The following NOSTRIN variants were observed in gnomAD, a reference collection of about 807,000 sequenced individuals.
NOSTRIN encodes the protein BM247 homolog.
Under a neutral mutation model 59.0 loss-of-function variants are expected in NOSTRIN, and 63 were observed. The ratio of observed to expected loss-of-function variants is 1.07; its 90% CI spans 0.87 to 1.32. The LOEUF (loss-of-function observed/expected upper bound fraction) is 1.32, where lower values mean the gene tolerates loss of function less well. NOSTRIN is among the 40% of genes most tolerant of loss of function. NOSTRIN has a pLI of 0.00. For missense variants in NOSTRIN, 512 were observed against 473.1 expected (o/e 1.08, Z -0.76); for synonymous variants, 200 against 165.4 (o/e 1.21, Z -1.61).
chr2:168,835,962 A>G (rs1687693704), intron 7 of NOSTRIN, among the ~76,000 whole-genome samples: 1 of 152,242 alleles, frequency 6.6e-6, no homozygotes, highest in Non-Finnish European at 1.5e-5. Flanking sequence ...AATAGTCGAT[A>G]TCTTCTACAA....
At chr2:168,813,508 A>G (rs1250663822) in intron 2 of NOSTRIN, among the ~76,000 whole-genome samples, 1 of 152,174 alleles carries the variant, frequency 6.6e-6, no homozygotes, top group Admixed American at 6.5e-5. Flanking sequence ...TTCATACAGC[A>G]GAGCCTTCAT....
intron 2 of NOSTRIN, among the ~76,000 whole-genome samples, chr2:168,813,788 A>C (rs1686268635): frequency 6.6e-6 from 1 of 152,126 alleles, no homozygotes; most frequent in Admixed American, 6.6e-5. Context: ...CAAAGAACAG[A>C]TCTAATATTT....
At chr2:168,837,905 A>G (rs1687833689) in intron 7 of NOSTRIN, among the ~76,000 whole-genome samples, 1 of 152,142 alleles carries the variant, frequency 6.6e-6, no homozygotes, top group Non-Finnish European at 1.5e-5. Context: ...TAAATTTTAA[A>G]TTAGATTTCT....
upstream of NOSTRIN, among the ~76,000 whole-genome samples, chr2:168,797,400 A>G (rs1336159787): frequency 1.3e-5 from 2 of 152,026 alleles, no homozygotes; most frequent in African/African-American, 2.4e-5. Context: ...CCCAGCCTAA[A>G]CTAATACTTT....
chr2:168,846,966 A>G (rs1161243947), intron 8 of NOSTRIN, among the ~76,000 whole-genome samples: 1 of 152,190 alleles, frequency 6.6e-6, no homozygotes, highest in South Asian at 2.1e-4. Flanking sequence ...TTTCCTTTCT[A>G]TAAAAGTGTC....
At chr2:168,803,373 AGG>A (rs1685689774) in intron 1 of NOSTRIN, among the ~76,000 whole-genome samples, 1 of 152,200 alleles carries the variant, frequency 6.6e-6, no homozygotes, top group Non-Finnish European at 1.5e-5. Flanking sequence ...GTAATTAAGG[AGG>A]GTCAGTGTTT....
At chr2:168,845,654 T>TG (rs1027747904) in intron 8 of NOSTRIN, among the ~76,000 whole-genome samples, 1 of 152,224 alleles carries the variant, frequency 6.6e-6, no homozygotes, top group Admixed American at 6.5e-5. Context: ...GTGTTTATGT[T>TG]GAAGCATCAT....
chr2:168,798,813 C>CGATCGATA (rs57620905), upstream of NOSTRIN, among the ~76,000 whole-genome samples: 23 of 149,228 alleles, frequency 1.5e-4, no homozygotes, highest in African/African-American at 5.4e-4. Flanking sequence ...ATCGATCGAT[C>CGATCGATA]GATAGATAGA....
chr2:168,805,343 A>G (rs549338600), intron 1 of NOSTRIN, among the ~76,000 whole-genome samples: 1 of 152,352 alleles, frequency 6.6e-6, no homozygotes, highest in South Asian at 2.1e-4. Context: ...AGATATCTTT[A>G]AAGTTCTGTT....
At chr2:168,817,045 A>G (rs181928173) in intron 2 of NOSTRIN, among the ~76,000 whole-genome samples, 245 of 152,358 alleles carry the variant, frequency 1.6e-3, no homozygotes, top group Non-Finnish European at 2.9e-3. Context: ...AGTACAACCC[A>G]TAGACCAGCC....
In NOSTRIN at chr2:168,865,044, CTCTT is replaced by C. The variant is rs1374101110; in HGVS notation, c.*75_*78del. On this transcript the variant is annotated 3_prime_UTR_variant, in exon 16 of 16. Coordinates refer to ENST00000317647, the MANE Select transcript of NOSTRIN (RefSeq NM_001039724.4). ...GTGTGGTTCAAATAAGAATAAAGTGCTCTTACCTTTACATGTTTTTCTTTTGAAA... is the reference window on the plus strand; with the variant it reads ...GTGTGGTTCAAATAAGAATAAAGTGCACCTTTACATGTTTTTCTTTTGAAA... The C allele has an allele frequency of 3.3e-6, 5 of 1,503,850 alleles. No homozygotes were observed. Among genetic ancestry groups the C allele is most frequent in the Non-Finnish European group, 3.6e-6 (4 of 1,103,462 alleles). The allele number at this position is 1,503,850 out of a possible 1,614,324, so 93.2% of individuals were successfully genotyped here.
At chr2:168,798,798 G>GATCA (rs1452610787), upstream of NOSTRIN, among the ~76,000 whole-genome samples, 47 of 26,618 alleles carry the variant, frequency 1.8e-3, no homozygotes, top group Admixed American at 6.6e-3. Context: ...GAGATGCTTC[G>GATCA]ATCGATCGAT....
At chr2:168,797,079 C>CTTTTCTTTTTT (rs1553519713), upstream of NOSTRIN, among the ~76,000 whole-genome samples, 565 of 74,984 alleles carry the variant, frequency 7.5e-3, 1 homozygote, top group South Asian at 0.012. Context: ...TTTCTTTTTT[C>CTTTTCTTTTTT]TTTTTTTTTT....
intron 2 of NOSTRIN, among the ~76,000 whole-genome samples, chr2:168,819,587 G>C (rs1230652977): frequency 6.6e-6 from 1 of 152,160 alleles, no homozygotes; most frequent in African/African-American, 2.4e-5. Flanking sequence ...CAGAAAGAGT[G>C]CACAGTGACA....
At chr2:168,789,243 C>T (rs1685284640) in intron 2 of NOSTRIN, among the ~76,000 whole-genome samples, 1 of 152,154 alleles carries the variant, frequency 6.6e-6, no homozygotes, top group South Asian at 2.1e-4. Context: ...AATTAATAAG[C>T]TGGTGTATTA....
intron 1 of NOSTRIN, among the ~76,000 whole-genome samples, chr2:168,809,979 A>T (rs1411371593): frequency 6.6e-6 from 1 of 152,078 alleles, no homozygotes; most frequent in Non-Finnish European, 1.5e-5. Flanking sequence ...TTAAAAAAAA[A>T]TCATGTTTCG....
At position 168,860,826 on chromosome 2, in the gene NOSTRIN, G is replaced by A. The variant is rs752715731; in HGVS notation, c.1211G>A (p.Arg404Gln). ...ACTCATAGCTATGTGAAAATATCTC[G>A]GCCTTTTTTAATGAAGAGATTAGAG... ...EHTHSYVKIS[R>Q]PFLMKRLENI... is the part of the protein sequence containing the mutation. Residue 404 changes from arginine to glutamine, a missense_variant, in exon 14 of 16, where the codon CGG becomes CAG. Transcript: ENST00000317647. The A allele has an allele frequency of 9.3e-6, 15 of 1,613,178 alleles. No homozygotes were observed. The highest frequency in any genetic ancestry group is 2.7e-5 in the African/African-American group (2 of 74,844).
At chr2:168,812,821 T>G (rs564739361) in intron 2 of NOSTRIN, among the ~76,000 whole-genome samples, 1 of 152,298 alleles carries the variant, frequency 6.6e-6, no homozygotes, top group South Asian at 2.1e-4. Flanking sequence ...TCCCTTTGTT[T>G]TAACCTTTTT....
chr2:168,850,768 T>C, intron 8 of NOSTRIN: 1 of 611,826 alleles, frequency 1.6e-6, no homozygotes, highest in Non-Finnish European at 2.8e-6. Flanking sequence ...TCTGGAATTC[T>C]CTGGAATCCA....
Sources: gnomAD v4.1 joint callset for allele counts (sites outside exome capture counted in the v4.1 genomes callset) on GRCh38, gnomAD v4.1.1 for gene constraint, MANE v1.5 for transcripts, NCBI Gene and HGNC (gene_info 2026-07-23, HGNC 2026-07-21) for gene names.